Variants in OCRL observed in about 807,000 individuals in gnomAD.
OCRL encodes the protein OCRL inositol polyphosphate-5-phosphatase.
In OCRL, 8 loss-of-function variants were observed where a neutral mutation model predicts 78.9. The ratio of observed to expected loss-of-function variants is 0.10; its 90% CI spans 0.06 to 0.18. The LOEUF is 0.18. OCRL is among the 10% of genes least tolerant of loss of function. The pLI, the probability that OCRL is intolerant of heterozygous loss-of-function variation, is 1.00. For synonymous variants in OCRL, 240 were observed against 235.4 expected (o/e 1.02, Z -0.18); for missense variants, 454 against 696.7 (o/e 0.65, Z 3.92).
intron 21 of OCRL, 78 bp downstream of exon 21, chrX:129,588,341 G>T: frequency 1.4e-6 from 1 of 705,587 alleles, no homozygotes; most frequent in Non-Finnish European, 2.3e-6. Context: ...TTTGATTTTT[G>T]TGGTTCTATA....
chrX:129,562,315 G>A (rs1037054223), intron 10 of OCRL, 69 bp from the exon 11 acceptor site: 28 of 818,841 alleles, frequency 3.4e-5, no homozygotes, highest in East Asian at 2.2e-4. Context: ...AAAATTAGTC[G>A]TGGGACATTA....
chrX:129,579,447 G>A (rs1173007213), intron 18 of OCRL, among the ~76,000 whole-genome samples: 2 of 111,645 alleles, frequency 1.8e-5, no homozygotes, highest in Admixed American at 9.6e-5. Context: ...AGCCAGAAAC[G>A]AGTTCAATGT....
chrX:129,546,597 C>T (rs1333559172), intron 3 of OCRL, among the ~76,000 whole-genome samples: 1 of 112,155 alleles, frequency 8.9e-6, no homozygotes, highest in Non-Finnish European at 1.9e-5. Context: ...GAGAGACATA[C>T]TAAACAAGGT....
chrX:129,589,763 T>C (rs1024011108), intron 22 of OCRL, 82 bp from the exon 23 acceptor site: 1 of 652,878 alleles, frequency 1.5e-6, no homozygotes, highest in African/African-American at 2.2e-5. Context: ...GATTATAGAC[T>C]ACTATTACAG....
At position 129,590,649 on chromosome X, in the gene OCRL, G is replaced by T. The variant is rs15690; in HGVS notation, c.*379G>T. 1.5e-3 allele frequency: 351 copies of T among 229,358 alleles called. 2 individuals are homozygous for T. Among genetic ancestry groups the T allele is most frequent in the Non-Finnish European group, 1.1e-3 (140 of 125,690 alleles). The allele number at this position is 229,358 out of a possible 1,213,427, so 18.9% of individuals were successfully genotyped here. ...CATTCTAGGCCTACAAGCACTACTT[G>T]CTGTAGCTGAGACTTGTCTAGAGTC... On this transcript the variant is annotated 3_prime_UTR_variant, in exon 24 of 24. Transcript: ENST00000371113.
chrX:129,557,498 G>C (rs1473774138), intron 5 of OCRL, 63 bp downstream of exon 5: 1 of 1,021,630 alleles, frequency 9.8e-7, no homozygotes, highest in East Asian at 3.1e-5. Context: ...CTGACATGCT[G>C]ATACAGAGGA....
intron 8 of OCRL, among the ~76,000 whole-genome samples, chrX:129,559,827 T>C (rs1001182878): frequency 1.2e-4 from 13 of 111,611 alleles, no homozygotes; most frequent in Non-Finnish European, 2.3e-4. Context: ...GTGTGTATGC[T>C]GCATGTGAGG....
In OCRL at chrX:129,540,785, C is replaced by G; in HGVS notation, c.81C>G (p.Pro27=). ...AGATGAAGGGTCCTCTCCGGGAGCC[C>G]TGCGCCCTGACCCTAGCCCAGAGGA... is the stretch of plus-strand genomic sequence containing the variant. The part of the protein sequence containing the change: ...GMEMKGPLRE[P]CALTLAQRNG... Residue 27 remains proline (P), a synonymous_variant, in exon 2 of 24, where the codon CCC becomes CCG. Transcript: ENST00000371113. The G allele has an allele frequency of 8.3e-7, 1 of 1,210,835 alleles. No homozygotes were observed. The highest frequency in any genetic ancestry group is 1.1e-6 in the Non-Finnish European group (1 of 894,519).
At chrX:129,559,532 T>C in intron 8 of OCRL, among the ~76,000 whole-genome samples, 1 of 111,844 alleles carries the variant, frequency 8.9e-6, no homozygotes, top group African/African-American at 3.2e-5. Flanking sequence ...AATAATGCCA[T>C]GTCTACTAAT....
chrX:129,560,415 A>C (rs1936129167), intron 8 of OCRL, 135 bp from the exon 9 acceptor site: 1 of 423,029 alleles, frequency 2.4e-6, no homozygotes, highest in Non-Finnish European at 4.2e-6. Context: ...TCTTTCTTAC[A>C]TATGTGGCAA....
chrX:129,556,446 T>C lies in OCRL; in HGVS notation c.239-879T>C, dbSNP rs1393030189. Among the ~76,000 whole-genome samples the C allele has an allele frequency of 8.1e-5, 9 of 111,784 alleles. No individual in the cohort carries two copies. The Admixed American group carries it at 8.5e-4, about 11-fold the overall frequency. Reference sequence around the variant, plus strand: ...GGGTTCGCTGTATGTGCACCCTGCATGCGTACCCTGCCTCTTGCCCTTAAG... The same window carrying C: ...GGGTTCGCTGTATGTGCACCCTGCACGCGTACCCTGCCTCTTGCCCTTAAG... On this transcript the variant is annotated intron_variant, in intron 4 of 23. Transcript: ENST00000371113.
At chrX:129,547,295 G>T (rs774057354) in intron 3 of OCRL, among the ~76,000 whole-genome samples, 3 of 110,302 alleles carry the variant, frequency 2.7e-5, no homozygotes, top group Non-Finnish European at 3.8e-5. Context: ...GGAGGCCAAG[G>T]TGGGCAGATC....
At chrX:129,544,671 G>A (rs146822596) in intron 2 of OCRL, among the ~76,000 whole-genome samples, 98 of 111,507 alleles carry the variant, frequency 8.8e-4, no homozygotes, top group African/African-American at 3.1e-3. Context: ...CTTCACTCTG[G>A]TATGCATACT....
At chrX:129,576,767 A>C (rs765012241) in intron 18 of OCRL, among the ~76,000 whole-genome samples, 1 of 112,025 alleles carries the variant, frequency 8.9e-6, no homozygotes, top group Non-Finnish European at 1.9e-5. Context: ...TGAGTACAAT[A>C]CATAATACTA....
intron 6 of OCRL, 121 bp from the exon 7 acceptor site, chrX:129,558,512 T>C (rs1347112528): frequency 1.5e-5 from 13 of 842,980 alleles, no homozygotes; most frequent in Non-Finnish European, 1.7e-5. Flanking sequence ...TCTACCCTTA[T>C]GATAGTTTTC....
chrX:129,545,180 G>T, intron 3 of OCRL, 143 bp downstream of exon 3: 1 of 460,899 alleles, frequency 2.2e-6, no homozygotes, highest in Non-Finnish European at 3.8e-6. Context: ...ACATTGAGGA[G>T]ATGATACTTT....
intron 15 of OCRL, among the ~76,000 whole-genome samples, chrX:129,571,391 G>A (rs1936299981): frequency 2.2e-5 from 2 of 92,676 alleles, no homozygotes; most frequent in African/African-American, 8.2e-5. Flanking sequence ...TTGAGACAGA[G>A]TCTCGCTCTG....
At chrX:129,564,790 G>T (rs1222710732) in intron 12 of OCRL, among the ~76,000 whole-genome samples, 1 of 110,275 alleles carries the variant, frequency 9.1e-6, no homozygotes, top group Admixed American at 9.6e-5. Context: ...GTTAATGGGT[G>T]CAGCACACCA....
chrX:129,561,501 A>G (rs1001181816), intron 10 of OCRL, among the ~76,000 whole-genome samples: 1 of 111,939 alleles, frequency 8.9e-6, no homozygotes, highest in Non-Finnish European at 1.9e-5. Flanking sequence ...CATTGCTTAG[A>G]TAGCTTTTAG....
Sources: allele counts gnomAD v4.1 joint callset (sites outside exome capture counted in the v4.1 genomes callset), GRCh38; gene constraint gnomAD v4.1.1; transcripts MANE v1.5; gene names NCBI Gene and HGNC (gene_info 2026-07-23, HGNC 2026-07-21).